The following CENPH variants were observed in gnomAD, a reference collection of about 807,000 sequenced individuals.
CENPH encodes the protein centromere protein H, also known as CENP-H.
A neutral mutation model predicts 42.9 loss-of-function variants in CENPH; 40 were observed. The ratio of observed to expected loss-of-function variants is 0.93; its 90% CI spans 0.72 to 1.21. CENPH has a LOEUF of 1.21. CENPH is among the 50% of genes most tolerant of loss of function. The probability of loss-of-function intolerance (pLI) is 0.00; values close to 1 mark genes in which losing one functional copy is unlikely to be tolerated. For missense variants in CENPH, 302 were observed against 292.9 expected (o/e 1.03, Z -0.23); for synonymous variants, 88 against 96.5 (o/e 0.91, Z 0.52).
intron 7 of CENPH, among the ~76,000 whole-genome samples, chr5:69,207,076 A>G (rs1748171971): frequency 6.6e-6 from 1 of 152,160 alleles, no homozygotes; most frequent in Admixed American, 6.5e-5. Flanking sequence ...ATTAATGTTG[A>G]AGAACAGGCC....
At chr5:69,202,619 A>G in intron 6 of CENPH, 50 bp downstream of exon 6, 1 of 1,045,350 alleles carries the variant, frequency 9.6e-7, no homozygotes, top group Admixed American at 1.9e-5. Context: ...TTTACTCTCA[A>G]CTTCTTGCTG....
At chr5:69,201,868 C>G (rs1201279874) in intron 5 of CENPH, among the ~76,000 whole-genome samples, 1 of 152,112 alleles carries the variant, frequency 6.6e-6, no homozygotes, top group African/African-American at 2.4e-5. Flanking sequence ...AGAAAACAAA[C>G]CCGTAGGCTA....
In CENPH at chr5:69,209,928, G is replaced by A. The variant is rs1027323690; in HGVS notation, c.*129G>A. ...CCATAACGTTTACAGTTGTAGTACAGTTGTGGTTAGTTATTTGTAGTGGGA... is the reference window on the plus strand; with the variant it reads ...CCATAACGTTTACAGTTGTAGTACAATTGTGGTTAGTTATTTGTAGTGGGA... On this transcript the variant is annotated 3_prime_UTR_variant, in exon 9 of 9. Coordinates refer to ENST00000283006, the MANE Select transcript of CENPH (RefSeq NM_022909.4). 2.1e-4 allele frequency: 105 copies of A among 495,714 alleles called. 1 individual carries two copies. The highest frequency in any genetic ancestry group is 5.0e-4 in the Middle Eastern group (1 of 1,982). The allele number at this position is 495,714 out of a possible 1,614,324, so 30.7% of individuals were successfully genotyped here. A position where few individuals can be genotyped will look rare whatever the true frequency, so the allele number is the denominator to read the frequency against.
chr5:69,207,556 T>C (rs1404264021), intron 7 of CENPH, among the ~76,000 whole-genome samples: 2 of 149,664 alleles, frequency 1.3e-5, no homozygotes, highest in East Asian at 2.1e-4. Flanking sequence ...GCCTGTAATC[T>C]CAGCACTTTG....
At chr5:69,194,744 C>G (rs766107615) in intron 3 of CENPH, 49 bp downstream of exon 3, 6 of 1,170,838 alleles carry the variant, frequency 5.1e-6, no homozygotes, top group Admixed American at 2.1e-5. Flanking sequence ...AAGATTTAAT[C>G]ATATTTTCTA....
intron 1 of CENPH, among the ~76,000 whole-genome samples, chr5:69,191,529 T>C (rs989092506): frequency 2.6e-5 from 4 of 152,120 alleles, no homozygotes; most frequent in African/African-American, 9.6e-5. Flanking sequence ...GAAAAAAATC[T>C]TAAACACCAA....
chr5:69,194,792 G>T, intron 3 of CENPH, 97 bp downstream of exon 3: 2 of 750,742 alleles, frequency 2.7e-6, no homozygotes, highest in East Asian at 2.8e-5. Flanking sequence ...TATCATGCAG[G>T]CTAGAGTGCA....
At chr5:69,200,717 A>ATTTTTTTTTTTTTTTTTTTTTTTTTTT (rs1554058445) in intron 5 of CENPH, among the ~76,000 whole-genome samples, 1 of 40,976 alleles carries the variant, frequency 2.4e-5, no homozygotes, top group Non-Finnish European at 5.8e-5. Context: ...GAATCAGCGT[A>ATTTTTTTTTTTTTTTTTTTTTTTTTTT]TCTTTTTTTT....
At chr5:69,201,212 C>G (rs1271695054) in intron 5 of CENPH, among the ~76,000 whole-genome samples, 1 of 152,134 alleles carries the variant, frequency 6.6e-6, no homozygotes, top group African/African-American at 2.4e-5. Context: ...AGTATGAGAG[C>G]CACTGCTCTG....
chr5:69,206,519 G>A (rs1415243284), intron 7 of CENPH, among the ~76,000 whole-genome samples: 4 of 139,232 alleles, frequency 2.9e-5, no homozygotes, highest in East Asian at 2.2e-4. Context: ...ATGGAGTTTC[G>A]CTCTTGTCAC....
intron 2 of CENPH, among the ~76,000 whole-genome samples, chr5:69,193,565 C>T (rs1258729545): frequency 1.3e-5 from 2 of 150,636 alleles, no homozygotes; most frequent in African/African-American, 4.9e-5. Flanking sequence ...TGCAGTGAGC[C>T]GAGATCACAC....
Position 69,208,376 on chromosome 5 carries a change from C to CATTTATATA in CENPH, c.651+17_651+18insATTTATATA, listed in dbSNP as rs557683544. The CATTTATATA allele has an allele frequency of 2.6e-4, 400 of 1,525,938 alleles. No homozygotes were observed. In the African/African-American group the frequency reaches 5.1e-3, roughly 19 times the overall value. The allele number at this position is 1,525,938 out of a possible 1,614,324, so 94.5% of individuals were successfully genotyped here. On this transcript the variant is annotated intron_variant, in intron 8 of 8. Transcript: ENST00000283006. Reference sequence around the variant, plus strand: ...GTGTTCCAGGTAACATTTATATAAACTAGCAAGAGTTTTAATCTTGTTGCC... The same window carrying CATTTATATA: ...GTGTTCCAGGTAACATTTATATAAACATTTATATATAGCAAGAGTTTTAATCTTGTTGCC...
intron 5 of CENPH, among the ~76,000 whole-genome samples, chr5:69,201,050 TC>T (rs1371618707): frequency 6.6e-6 from 1 of 151,058 alleles, no homozygotes; most frequent in African/African-American, 2.4e-5. Context: ...GTCTCAAAAC[TC>T]CTGAGCTCAA....
At chr5:69,201,401 G>A (rs1467037652) in intron 5 of CENPH, among the ~76,000 whole-genome samples, 1 of 152,082 alleles carries the variant, frequency 6.6e-6, no homozygotes, top group East Asian at 1.9e-4. Flanking sequence ...AACAGATACT[G>A]TGTTTTATTT....
intron 5 of CENPH, among the ~76,000 whole-genome samples, chr5:69,201,864 C>A (rs765104072): frequency 6.6e-6 from 1 of 152,140 alleles, no homozygotes; most frequent in Non-Finnish European, 1.5e-5. Context: ...TCACAGAAAA[C>A]AAACCCGTAG....
intron 4 of CENPH, among the ~76,000 whole-genome samples, chr5:69,196,102 C>T (rs1398268067): frequency 6.6e-6 from 1 of 152,064 alleles, no homozygotes; most frequent in Non-Finnish European, 1.5e-5. Context: ...CCACGCTTGG[C>T]TAATTTTTTT....
chr5:69,197,190 T>TA, intron 5 of CENPH, 81 bp downstream of exon 5: 2 of 783,008 alleles, frequency 2.6e-6, no homozygotes, highest in South Asian at 5.2e-5. Context: ...AAAAAATTAT[T>TA]ACTGCCAACT....
intron 7 of CENPH, among the ~76,000 whole-genome samples, chr5:69,204,712 T>C (rs1346021193): frequency 7.0e-6 from 1 of 143,638 alleles, no homozygotes; most frequent in African/African-American, 2.6e-5. Context: ...TTGAAGAAAT[T>C]CTCTGCCTCA....
intron 7 of CENPH, among the ~76,000 whole-genome samples, chr5:69,206,309 G>A (rs1748158289): frequency 6.7e-6 from 1 of 150,074 alleles, no homozygotes; most frequent in African/African-American, 2.5e-5. Context: ...AGCCTCCCGA[G>A]TAGCTGGGAT....
Sources: gnomAD v4.1 joint callset for allele counts (sites outside exome capture counted in the v4.1 genomes callset) on GRCh38, gnomAD v4.1.1 for gene constraint, MANE v1.5 for transcripts, NCBI Gene and HGNC (gene_info 2026-07-23, HGNC 2026-07-21) for gene names.